FGF11: variants seen among roughly 807,000 people sequenced by gnomAD.
The protein encoded by FGF11 is fibroblast growth factor homologous factor 3.
Under a neutral mutation model 25.1 loss-of-function variants are expected in FGF11, and 25 were observed. The ratio of observed to expected loss-of-function variants is 1.00; its 90% CI spans 0.73 to 1.39. FGF11 has a LOEUF of 1.39. Ranked by LOEUF, FGF11 falls within the 40% of genes most tolerant of loss-of-function variation. The probability of loss-of-function intolerance (pLI) is 0.00; values close to 1 mark genes in which losing one functional copy is unlikely to be tolerated. For missense variants in FGF11, 320 were observed against 311.0 expected (o/e 1.03, Z -0.22); for synonymous variants, 130 against 128.9 (o/e 1.01, Z -0.06).
rs1408982327 is a variant in FGF11, at chr17:7,441,528, A to G, written c.251A>G (p.Gln84Arg). 1 of 1,614,160 alleles carries G rather than the reference A, an allele frequency of 6.2e-7. No homozygotes were observed. Among genetic ancestry groups the G allele is most frequent in the Non-Finnish European group, 8.5e-7 (1 of 1,180,024 alleles). ...KLFCRQGFYL[Q>R]ANPDGSIQGT... ...TTCTGCCGCCAGGGTTTCTACCTCC[A>G]GGCGAATCCCGACGGAAGCATCCAG... Residue 84 changes from glutamine (Q) to arginine (R), a missense_variant, in exon 2 of 5, where the codon CAG becomes CGG. Physicochemically the swap from Gln to Arg is conservative, Grantham distance 43 (BLOSUM62 1). Coordinates refer to ENST00000293829, the MANE Select transcript of FGF11 (RefSeq NM_004112.4).
chr17:7,441,304 G>A, intron 1 of FGF11, 167 bp from the exon 2 acceptor site: 1 of 853,952 alleles, frequency 1.2e-6, no homozygotes, highest in Middle Eastern at 2.9e-4. Context: ...GCTTTCCCAG[G>A]AGTGAAAGAG....
intron 3 of FGF11, 152 bp downstream of exon 3, chr17:7,442,031 C>T: frequency 1.6e-6 from 1 of 607,368 alleles, no homozygotes. Context: ...GCTGCCCATT[C>T]CAGACCAGCT....
chr17:7,442,629 T>C lies in FGF11; in HGVS notation c.444T>C (p.Cys148=). ...HFTAECRFKE[C]VFENYYVLYA... ...CAGCTGAGTGTCGCTTTAAGGAGTG[T>C]GTCTTTGAGAATTACTACGTCCTGT... is the stretch of plus-strand genomic sequence containing the variant. The change falls in exon 4 of 5, where the codon TGT becomes TGC. Residue 148 remains cysteine (C), a synonymous_variant. Transcript: ENST00000293829. 1 of 1,614,218 alleles carries C rather than the reference T, an allele frequency of 6.2e-7. No individual in the cohort carries two copies. The highest frequency in any genetic ancestry group is 8.5e-7 in the Non-Finnish European group (1 of 1,180,038).
Position 7,444,070 on chromosome 17 carries a change from T to A in FGF11, c.*924T>A, listed in dbSNP as rs1017446037. 21 of 152,250 alleles carry A rather than the reference T, an allele frequency of 1.4e-4. No individual in the cohort carries two copies. Among genetic ancestry groups the A allele is most frequent in the Admixed American group, 1.1e-3 (17 of 15,288 alleles). 9.4% of individuals were successfully genotyped at this position (152,250 alleles called of 1,614,324 possible). A position where few individuals can be genotyped will look rare whatever the true frequency, so the allele number is the denominator to read the frequency against. ...CCCAGCTATGATTCATAAAAACACT[T>A]CTGGATGAATCAAGAACCATTTCTT... On this transcript the variant is annotated 3_prime_UTR_variant, in exon 5 of 5. Transcript: ENST00000293829.
upstream of FGF11, chr17:7,439,491 A>C: frequency 1.5e-6 from 1 of 660,748 alleles, no homozygotes; most frequent in Non-Finnish European, 2.3e-6. Context: ...GCTTATCCTC[A>C]GGTCCTGTGG....
rs1409387262 is a variant in FGF11 at position 7,440,664 on chromosome 17, G to C, written c.194-807G>C. On this transcript the variant is annotated intron_variant, in intron 1 of 4. Coordinates refer to ENST00000293829, the MANE Select transcript of FGF11 (RefSeq NM_004112.4). This position sits in a 1 kb window ranked among gnomAD's most constrained non-coding sequence, Gnocchi z 5.4. ...CTGGCCCTGCTCCCGCCCGCTCCCAGCTCCCCTAAGGGTAGCCACCTCGCG... is the reference window on the plus strand; with the variant it reads ...CTGGCCCTGCTCCCGCCCGCTCCCACCTCCCCTAAGGGTAGCCACCTCGCG... The C allele has an allele frequency of 4.3e-5, 42 of 985,142 alleles. No homozygotes were observed. The highest frequency in any genetic ancestry group is 4.8e-5 in the Non-Finnish European group (40 of 830,198). 61.0% of individuals were successfully genotyped at this position (985,142 alleles called of 1,614,324 possible). A position where few individuals can be genotyped will look rare whatever the true frequency, so the allele number is the denominator to read the frequency against.
At chr17:7,442,267 T>G in intron 3 of FGF11, 2 of 370,572 alleles carry the variant, frequency 5.4e-6, no homozygotes, top group Non-Finnish European at 4.7e-6. Flanking sequence ...AAAGTCTAGT[T>G]CTTTTTTTTT....
At position 7,439,629 on chromosome 17, in the gene FGF11, GC is replaced by G; in HGVS notation, c.10del (p.Leu4TrpfsTer5). On this transcript the variant is annotated frameshift_variant, in exon 1 of 5. Transcript: ENST00000293829. LOFTEE classifies it high-confidence loss of function. MAALASSLIRQKRE... is the reference protein window; with the variant it reads MAAXASSLIRQKRE... ...TCTCCTCCCGGGGCGCTATGGCGGC[GC>G]TGGCCAGTAGCCTGATCCGGCAGAA... 1 of 1,456,484 alleles carries G rather than the reference GC, an allele frequency of 6.9e-7. No homozygotes were observed. The highest frequency in any genetic ancestry group is 2.8e-5 in the East Asian group (1 of 36,246). The allele number at this position is 1,456,484 out of a possible 1,614,324, so 90.2% of individuals were successfully genotyped here. A position where few individuals can be genotyped will look rare whatever the true frequency, so the allele number is the denominator to read the frequency against.
In FGF11 at chr17:7,440,800, C is replaced by T. The variant is rs1286211724; in HGVS notation, c.194-671C>T. 5 of 987,172 alleles carry T rather than the reference C, an allele frequency of 5.1e-6. No homozygotes were observed. In the Admixed American group the frequency reaches 1.8e-4, roughly 36 times the overall value. The allele number at this position is 987,172 out of a possible 1,614,324, so 61.2% of individuals were successfully genotyped here. ...CCTGCCTCTCCATCTCCTCAGCTCC[C>T]ACCCCCCATATCCTTGGTAAGGTCC... On this transcript the variant is annotated intron_variant, in intron 1 of 4. Transcript: ENST00000293829. This position sits in a 1 kb window ranked among gnomAD's most constrained non-coding sequence, Gnocchi z 5.4.
rs1908230088 is a variant in FGF11 at position 7,439,801 on chromosome 17, G to C, written c.181G>C (p.Asp61His). The C allele has an allele frequency of 6.9e-7, 1 of 1,444,558 alleles. No homozygotes were observed. Among genetic ancestry groups the C allele is most frequent in the African/African-American group, 1.5e-5 (1 of 66,686 alleles). 89.5% of individuals were successfully genotyped at this position (1,444,558 alleles called of 1,614,324 possible). Residue 61 changes from aspartate (D) to histidine (H), a missense_variant, in exon 1 of 5, where the codon GAC (aspartate) becomes CAC (histidine). Physicochemically the swap from Asp to His is moderately conservative, Grantham distance 81 (BLOSUM62 -1). Coordinates refer to ENST00000293829, the MANE Select transcript of FGF11 (RefSeq NM_004112.4). Reference sequence around the variant, plus strand: ...GTGCGGGGGGCGGCCCGCGCGGCCGGACCGCGGCCCGGGTGAGTGCGGCTG... The same window carrying C: ...GTGCGGGGGGCGGCCCGCGCGGCCGCACCGCGGCCCGGGTGAGTGCGGCTG... ...RLCGGRPARP[D>H]RGPEPQLKGI...
At chr17:7,442,506 T>C (rs1597744767) in intron 3 of FGF11, 88 bp from the exon 4 acceptor site, 1 of 1,304,112 alleles carries the variant, frequency 7.7e-7, no homozygotes, top group East Asian at 2.3e-5. Context: ...AAAAAGGATT[T>C]GTGCTTTCCA....
chr17:7,443,115 A>C lies in FGF11; in HGVS notation c.647A>C (p.Glu216Ala). The change falls in exon 5 of 5, where the codon GAG (glutamate) becomes GCG (alanine). Residue 216 changes from glutamate to alanine, a missense_variant. Glu to Ala is a moderately radical substitution (Grantham distance 107). Transcript: ENST00000293829. ...YQEPSLHSVPEASPSSPPAP is the reference protein window; with the variant it reads ...YQEPSLHSVPAASPSSPPAP Reference sequence around the variant, plus strand: ...GAGCCTTCTCTCCACAGTGTCCCCGAGGCCTCCCCTTCCAGTCCCCCTGCC... The same window carrying C: ...GAGCCTTCTCTCCACAGTGTCCCCGCGGCCTCCCCTTCCAGTCCCCCTGCC... 1 of 1,611,822 alleles carries C rather than the reference A, an allele frequency of 6.2e-7. No homozygotes were observed. Among genetic ancestry groups the C allele is most frequent in the South Asian group, 1.1e-5 (1 of 90,950 alleles).
At chr17:7,441,039 C>T (rs572254239) in intron 1 of FGF11, 10 of 800,306 alleles carry the variant, frequency 1.2e-5, no homozygotes, top group South Asian at 1.2e-4. Context: ...CCCACCCCCA[C>T]TCCTGAGGGA....
Position 7,440,670 on chromosome 17 carries a change from C to T in FGF11, c.194-801C>T. On this transcript the variant is annotated intron_variant, in intron 1 of 4. Coordinates refer to ENST00000293829, the MANE Select transcript of FGF11 (RefSeq NM_004112.4). The surrounding 1 kb of genome is among the most constrained non-coding windows in gnomAD (Gnocchi z 5.4). ...CTGCTCCCGCCCGCTCCCAGCTCCC[C>T]TAAGGGTAGCCACCTCGCGCCCTCC... 1 of 985,860 alleles carries T rather than the reference C, an allele frequency of 1.0e-6. No individual in the cohort carries two copies. Among genetic ancestry groups the T allele is most frequent in the Non-Finnish European group, 1.2e-6 (1 of 830,498 alleles). 61.1% of individuals were successfully genotyped at this position (985,860 alleles called of 1,614,324 possible).
rs761918777 is a variant in FGF11 at position 7,441,248 on chromosome 17, T to C, written c.194-223T>C. 1.4e-3 allele frequency: 770 copies of C among 552,920 alleles called. 1 individual carries two copies. Among genetic ancestry groups the C allele is most frequent in the Non-Finnish European group, 2.1e-3 (654 of 317,984 alleles). The allele number at this position is 552,920 out of a possible 1,614,324, so 34.3% of individuals were successfully genotyped here. Reference sequence around the variant, plus strand: ...GCCATTTAAATAAATTTCAATAAATTACACTGAAAGCTCCTGGTTATAGGA... The same window carrying C: ...GCCATTTAAATAAATTTCAATAAATCACACTGAAAGCTCCTGGTTATAGGA... On this transcript the variant is annotated intron_variant, in intron 1 of 4. Transcript: ENST00000293829.
rs775118586 is a variant in FGF11 at position 7,441,957 on chromosome 17, C to T, written c.408+78C>T. 4 of 1,074,878 alleles carry T rather than the reference C, an allele frequency of 3.7e-6. No homozygotes were observed. The South Asian group carries it at 4.8e-5, about 13-fold the overall frequency. The allele number at this position is 1,074,878 out of a possible 1,614,324, so 66.6% of individuals were successfully genotyped here. On this transcript the variant is annotated intron_variant, in intron 3 of 4. Coordinates refer to ENST00000293829, the MANE Select transcript of FGF11 (RefSeq NM_004112.4). ...ATTTGTCCCTTGAGGGAATGACAAC[C>T]TTCCTCAACTACAGACATTTTGCCC...
chr17:7,439,506 G>T, upstream of FGF11: 3 of 831,204 alleles, frequency 3.6e-6, no homozygotes, highest in South Asian at 6.4e-5. Flanking sequence ...CTGTGGGTGG[G>T]GCAGCGAGTC....
At chr17:7,441,412 G>A (rs770295596) in intron 1 of FGF11, 59 bp from the exon 2 acceptor site, 1 of 1,606,672 alleles carries the variant, frequency 6.2e-7, no homozygotes, top group East Asian at 2.2e-5. Context: ...CCTGCCAAGT[G>A]TAGGAATGTT....
In FGF11 at chr17:7,440,750, A is replaced by G; in HGVS notation, c.194-721A>G. On this transcript the variant is annotated intron_variant, in intron 1 of 4. Transcript: ENST00000293829. This position sits in a 1 kb window ranked among gnomAD's most constrained non-coding sequence, Gnocchi z 5.4. Reference sequence around the variant, plus strand: ...ACAATCCGCAGCCCACCCTCTGAGTAGGACCGGGCCCCCACGTGACTCAGC... The same window carrying G: ...ACAATCCGCAGCCCACCCTCTGAGTGGGACCGGGCCCCCACGTGACTCAGC... 6.1e-6 allele frequency: 6 copies of G among 986,708 alleles called. No homozygotes were observed. Among genetic ancestry groups the G allele is most frequent in the Non-Finnish European group, 7.2e-6 (6 of 830,976 alleles). The allele number at this position is 986,708 out of a possible 1,614,324, so 61.1% of individuals were successfully genotyped here.
Sources: gnomAD v4.1 joint callset for allele counts on GRCh38, gnomAD v4.1.1 for gene constraint, Gnocchi (gnomAD v3.1) non-coding constraint, MANE v1.5 for transcripts, NCBI Gene and HGNC (gene_info 2026-07-23, HGNC 2026-07-21) for gene names.